Variants in VAV3 observed in about 807,000 individuals in gnomAD.
The protein encoded by VAV3 is vav guanine nucleotide exchange factor 3.
VAV3 carries 94 observed loss-of-function variants against 131.2 expected under a neutral mutation model. The ratio of observed to expected loss-of-function variants is 0.72; its 90% CI spans 0.61 to 0.85. VAV3 has a LOEUF of 0.85. Among genes scored for constraint, VAV3 ranks in the 40% least tolerant of loss-of-function variants. The pLI is 0.00. For missense variants in VAV3, 939 were observed against 1,002.7 expected (o/e 0.94, Z 0.86); for synonymous variants, 349 against 342.0 (o/e 1.02, Z -0.22).
In VAV3 at chr1:107,622,777, G is replaced by A. The variant is rs561415746; in HGVS notation, c.1915-5145C>T. On this transcript the variant is annotated intron_variant, in intron 20 of 26. Coordinates refer to ENST00000370056, the MANE Select transcript of VAV3 (RefSeq NM_006113.5). ...CTGTCACCCTGCCCAGTCACTTCCCGCTGTCAGAAATACACAGGTTGAGTG... is the reference window on the plus strand; with the variant it reads ...CTGTCACCCTGCCCAGTCACTTCCCACTGTCAGAAATACACAGGTTGAGTG... Among the ~76,000 whole-genome samples, 74 of 152,286 alleles carry A rather than the reference G, an allele frequency of 4.9e-4. 1 individual carries two copies. The South Asian group carries it at 0.014, about 29-fold the overall frequency.
intron 1 of VAV3, among the ~76,000 whole-genome samples, chr1:107,879,127 T>A (rs1338401294): frequency 1.3e-5 from 2 of 152,184 alleles, no homozygotes; most frequent in African/African-American, 4.8e-5. Flanking sequence ...ATTACAATAA[T>A]ATTTGTTTCA....
intron 1 of VAV3, among the ~76,000 whole-genome samples, chr1:107,954,534 ATTTTTTT>A (rs5776909): frequency 3.1e-5 from 4 of 130,580 alleles, no homozygotes; most frequent in South Asian, 2.5e-4. Context: ...CCTGAGGCAA[ATTTTTTT>A]TTTTTTTTTT....
intron 25 of VAV3, among the ~76,000 whole-genome samples, chr1:107,589,281 A>C (rs1240149510): frequency 6.6e-6 from 1 of 152,220 alleles, no homozygotes; most frequent in Non-Finnish European, 1.5e-5. Flanking sequence ...GATGTAATTC[A>C]GTTAAGGATC....
chr1:107,658,693 T>C (rs932537558), intron 19 of VAV3, among the ~76,000 whole-genome samples: 1 of 152,208 alleles, frequency 6.6e-6, no homozygotes. Context: ...ATTTCTCTGA[T>C]GGCCAGTGAT....
At chr1:107,738,476 T>C (rs1275478643) in intron 15 of VAV3, among the ~76,000 whole-genome samples, 5 of 152,202 alleles carry the variant, frequency 3.3e-5, no homozygotes, top group African/African-American at 9.7e-5. Context: ...TATTGTGAAA[T>C]GCACAATACA....
chr1:107,956,029 G>C (rs1295320513), intron 1 of VAV3, among the ~76,000 whole-genome samples: 3 of 152,252 alleles, frequency 2.0e-5, no homozygotes, highest in Non-Finnish European at 4.4e-5. Flanking sequence ...AAATGGGAAA[G>C]ATCCAAGTGA....
intron 2 of VAV3, among the ~76,000 whole-genome samples, chr1:107,857,046 T>A (rs1319932867): frequency 6.6e-6 from 1 of 152,116 alleles, no homozygotes; most frequent in African/African-American, 2.4e-5. Context: ...ATACTGAATA[T>A]CAATGTGATT....
intron 1 of VAV3, among the ~76,000 whole-genome samples, chr1:107,939,267 T>C (rs1257564316): frequency 6.6e-6 from 1 of 152,234 alleles, no homozygotes; most frequent in African/African-American, 2.4e-5. Flanking sequence ...AAATGTTAAA[T>C]TCTAAAGGAA....
At chr1:107,804,357 T>C (rs958211992) in intron 2 of VAV3, among the ~76,000 whole-genome samples, 2 of 152,142 alleles carry the variant, frequency 1.3e-5, no homozygotes, top group Admixed American at 6.6e-5. Context: ...TGACTTCCTC[T>C]GGTAACATGT....
intron 20 of VAV3, among the ~76,000 whole-genome samples, chr1:107,618,172 T>C (rs1464071206): frequency 1.3e-5 from 2 of 152,168 alleles, no homozygotes; most frequent in African/African-American, 2.4e-5. Flanking sequence ...GCAGCTCACC[T>C]CCTGCTGTGT....
chr1:107,791,880 T>C (rs1489508675), intron 2 of VAV3, among the ~76,000 whole-genome samples: 1 of 152,204 alleles, frequency 6.6e-6, no homozygotes, highest in Non-Finnish European at 1.5e-5. Flanking sequence ...GTATTTTCAT[T>C]TTGAAATGAG....
intron 17 of VAV3, among the ~76,000 whole-genome samples, chr1:107,698,765 AG>A (rs1304348538): frequency 3.9e-5 from 6 of 152,162 alleles, no homozygotes; most frequent in African/African-American, 1.4e-4. Context: ...ATGGATGGGG[AG>A]GCCTCAGGAA....
rs1466567572 is a variant in VAV3 at position 107,874,795 on chromosome 1, G to GCC, written c.321+105_321+106insGG. ...TACATGTGAAATTTAACTATATAAT[G>GCC]CAGATACATAAACCACTTAAGTCAC... On this transcript the variant is annotated intron_variant, in intron 2 of 26. Transcript: ENST00000370056. 1.6e-5 allele frequency: 15 copies of GCC among 950,194 alleles called. No homozygotes were observed. In the East Asian group the frequency reaches 2.8e-4, roughly 18 times the overall value. 58.9% of individuals were successfully genotyped at this position (950,194 alleles called of 1,614,324 possible).
intron 1 of VAV3, among the ~76,000 whole-genome samples, chr1:107,887,118 C>T (rs1321742714): frequency 2.6e-5 from 4 of 152,240 alleles, no homozygotes; most frequent in African/African-American, 9.6e-5. Flanking sequence ...TTTGCTTCAA[C>T]CCTAAGGCTC....
intron 20 of VAV3, among the ~76,000 whole-genome samples, chr1:107,633,887 G>A (rs542388744): frequency 3.9e-5 from 6 of 152,102 alleles, no homozygotes; most frequent in Non-Finnish European, 5.9e-5. Flanking sequence ...CTGTGGACAC[G>A]GGCATTCGAG....
chr1:107,808,189 G>C (rs1486836629), intron 2 of VAV3, among the ~76,000 whole-genome samples: 5 of 152,118 alleles, frequency 3.3e-5, no homozygotes, highest in African/African-American at 1.2e-4. Context: ...ATCTTTAGTA[G>C]AAATACGGGA....
chr1:107,910,608 T>G (rs1307387839), intron 1 of VAV3, among the ~76,000 whole-genome samples: 2 of 152,220 alleles, frequency 1.3e-5, no homozygotes, highest in Admixed American at 6.5e-5. Context: ...TTCATCACAA[T>G]GGATTTTAAA....
chr1:107,632,263 G>A (rs1167085011), intron 20 of VAV3, among the ~76,000 whole-genome samples: 1 of 152,126 alleles, frequency 6.6e-6, no homozygotes, highest in Non-Finnish European at 1.5e-5. Flanking sequence ...ACTTATGCCT[G>A]GGCTCAACCA....
chr1:107,729,438 G>A (rs1483373132), intron 15 of VAV3, among the ~76,000 whole-genome samples: 1 of 152,080 alleles, frequency 6.6e-6, no homozygotes, highest in Non-Finnish European at 1.5e-5. Flanking sequence ...ATAGTTTGGG[G>A]TTAGGAGATA....
Sources: allele counts gnomAD v4.1 joint callset (sites outside exome capture counted in the v4.1 genomes callset), GRCh38; gene constraint gnomAD v4.1.1; transcripts MANE v1.5; gene names NCBI Gene and HGNC (gene_info 2026-07-23, HGNC 2026-07-21).